The following C5orf22 variants were observed in gnomAD, a reference collection of about 807,000 sequenced individuals.
C5orf22 encodes UPF0489 protein C5orf22.
In C5orf22, 36 loss-of-function variants were observed where a neutral mutation model predicts 48.7. The observed-to-expected ratio is 0.74, with a 90% confidence interval of 0.57 to 0.98. The LOEUF (loss-of-function observed/expected upper bound fraction) is 0.98. Among genes scored for constraint, C5orf22 ranks in the 50% least tolerant of loss-of-function variants. The pLI, the probability that C5orf22 is intolerant of heterozygous loss-of-function variation, is 0.00. For synonymous variants in C5orf22, 141 were observed against 180.8 expected (o/e 0.78, Z 1.76); for missense variants, 486 against 521.9 (o/e 0.93, Z 0.67).
Position 31,532,330 on chromosome 5 carries a change from C to A in C5orf22, c.-63C>A, listed in dbSNP as rs2150068591. 6.4e-7 allele frequency: 1 copy of A among 1,565,360 alleles called. No homozygotes were observed. The highest frequency in any genetic ancestry group is 2.2e-5 in the East Asian group (1 of 44,568). ...GGAGAGAGCTGGCCGGGATGAGGCG[C>A]CGGCTTTCCCGGGTCTTCTCCAGCT... is the stretch of plus-strand genomic sequence containing the variant. On this transcript the variant is annotated 5_prime_UTR_variant, in exon 1 of 9. Coordinates refer to ENST00000325366, the MANE Select transcript of C5orf22 (RefSeq NM_018356.3).
chr5:31,533,938 G>A (rs964899840), intron 1 of C5orf22, among the ~76,000 whole-genome samples: 17 of 152,052 alleles, frequency 1.1e-4, no homozygotes, highest in African/African-American at 4.1e-4. Flanking sequence ...GAGACCTAGG[G>A]TACCTTGAAC....
At position 31,545,708 on chromosome 5, in the gene C5orf22, A is replaced by C. The variant is rs754666090; in HGVS notation, c.1055A>C (p.Glu352Ala). 6.3e-7 allele frequency: 1 copy of C among 1,586,134 alleles called. No individual in the cohort carries two copies. Among genetic ancestry groups the C allele is most frequent in the African/African-American group, 1.3e-5 (1 of 74,316 alleles). ...AAACGGATGGAAGTACCAGACTATGAAATGGTAAATATTTTATATTAATGT... is the reference window on the plus strand; with the variant it reads ...AAACGGATGGAAGTACCAGACTATGCAATGGTAAATATTTTATATTAATGT... ...LKKRMEVPDY[E>A]MVHQAGLTCD... Residue 352 changes from glutamate to alanine, a missense_variant, in exon 7 of 9, where the codon GAA (glutamate) becomes GCA (alanine). Glu to Ala is a moderately radical substitution (Grantham distance 107). Transcript: ENST00000325366.
At chr5:31,536,302 C>A (rs569905249) in intron 3 of C5orf22, among the ~76,000 whole-genome samples, 4 of 152,104 alleles carry the variant, frequency 2.6e-5, no homozygotes, top group Admixed American at 2.6e-4. Context: ...GGGCAGAAGA[C>A]GAGGTCAAGA....
intron 8 of C5orf22, among the ~76,000 whole-genome samples, chr5:31,551,778 G>A (rs557538229): frequency 6.6e-6 from 1 of 152,284 alleles, no homozygotes; most frequent in South Asian, 2.1e-4. Flanking sequence ...ATGCAGCCCT[G>A]TCAGCACCTT....
intron 3 of C5orf22, among the ~76,000 whole-genome samples, chr5:31,536,978 T>C (rs1409581940): frequency 1.3e-5 from 2 of 152,362 alleles, no homozygotes. Context: ...CAATTAACTT[T>C]TGTAGTATAT....
At chr5:31,534,137 T>A in intron 1 of C5orf22, 135 bp from the exon 2 acceptor site, 1 of 774,066 alleles carries the variant, frequency 1.3e-6, no homozygotes, top group East Asian at 2.6e-5. Flanking sequence ...AAACAAATTT[T>A]ATGTTTTTCC....
intron 1 of C5orf22, among the ~76,000 whole-genome samples, chr5:31,533,657 T>G (rs1273509719): frequency 6.6e-6 from 1 of 152,140 alleles, no homozygotes; most frequent in Non-Finnish European, 1.5e-5. Flanking sequence ...ATAGACCACC[T>G]AGCCCAACCC....
intron 7 of C5orf22, among the ~76,000 whole-genome samples, chr5:31,548,315 C>A (rs968651246): frequency 2.6e-5 from 4 of 151,328 alleles, no homozygotes; most frequent in African/African-American, 9.7e-5. Flanking sequence ...AAAAAAAAAA[C>A]TGGATGCCTT....
At chr5:31,532,834 C>G (rs906550494) in intron 1 of C5orf22, among the ~76,000 whole-genome samples, 9 of 152,102 alleles carry the variant, frequency 5.9e-5, no homozygotes, top group African/African-American at 2.2e-4. Context: ...CACCACAGCC[C>G]TGCTGTTTAG....
rs948431825 is a variant in C5orf22, at chr5:31,554,009, T to C, written c.*1107T>C. On this transcript the variant is annotated 3_prime_UTR_variant, in exon 9 of 9. Coordinates refer to ENST00000325366, the MANE Select transcript of C5orf22 (RefSeq NM_018356.3). Reference sequence around the variant, plus strand: ...CTGACCTGCCATAAATACCCAAAGATATAAACTGTCTTCCACCACCCCCCT... The same window carrying C: ...CTGACCTGCCATAAATACCCAAAGACATAAACTGTCTTCCACCACCCCCCT... The C allele has an allele frequency of 1.3e-5, 2 of 152,152 alleles. No individual in the cohort carries two copies. The highest frequency in any genetic ancestry group is 2.9e-5 in the Non-Finnish European group (2 of 68,014). The allele number at this position is 152,152 out of a possible 1,614,324, so 9.4% of individuals were successfully genotyped here. A position where few individuals can be genotyped will look rare whatever the true frequency, so the allele number is the denominator to read the frequency against.
intron 3 of C5orf22, 32 bp downstream of exon 3, chr5:31,535,925 G>T (rs967895612): frequency 2.5e-6 from 4 of 1,595,600 alleles, no homozygotes; most frequent in Non-Finnish European, 2.6e-6. Context: ...ATATGGAAGT[G>T]ATTGAATGTT....
In C5orf22 at chr5:31,553,145, A is replaced by G. The variant is rs12513495; in HGVS notation, c.*243A>G. The G allele has an allele frequency of 3.3e-6, 1 of 302,084 alleles. No individual in the cohort carries two copies. Among genetic ancestry groups the G allele is most frequent in the Admixed American group, 4.7e-5 (1 of 21,402 alleles). The allele number at this position is 302,084 out of a possible 1,614,324, so 18.7% of individuals were successfully genotyped here. ...TATCTGTCTTCCTTAAGTATTTTTT[A>G]GGGTTTTGTTTTTTTTTTTGTTTGT... On this transcript the variant is annotated 3_prime_UTR_variant, in exon 9 of 9. Transcript: ENST00000325366.
intron 3 of C5orf22, 26 bp downstream of exon 3, chr5:31,535,919 G>T (rs1742043519): frequency 6.2e-7 from 1 of 1,601,264 alleles, no homozygotes; most frequent in African/African-American, 1.3e-5. Flanking sequence ...TTGTGAATAT[G>T]GAAGTGATTG....
intron 6 of C5orf22, among the ~76,000 whole-genome samples, chr5:31,542,104 A>T (rs1409647754): frequency 6.6e-6 from 1 of 152,146 alleles, no homozygotes; most frequent in Non-Finnish European, 1.5e-5. Context: ...TAGAGTAAGA[A>T]AGAAATACTA....
chr5:31,544,307 G>T (rs1742680907), intron 6 of C5orf22, among the ~76,000 whole-genome samples: 3 of 152,200 alleles, frequency 2.0e-5, no homozygotes, highest in Non-Finnish European at 1.5e-5. Context: ...AATGTGGCCG[G>T]GCGCGATGGC....
intron 7 of C5orf22, among the ~76,000 whole-genome samples, chr5:31,546,541 C>T (rs1002589701): frequency 6.6e-6 from 1 of 152,148 alleles, no homozygotes; most frequent in Non-Finnish European, 1.5e-5. Context: ...TTTCACACTG[C>T]TGATAAAGAC....
chr5:31,536,948 C>G (rs992340753), intron 3 of C5orf22, among the ~76,000 whole-genome samples: 69 of 152,212 alleles, frequency 4.5e-4, no homozygotes, highest in African/African-American at 1.5e-3. Context: ...TACTTTATTT[C>G]TAATTTATTC....
intron 7 of C5orf22, among the ~76,000 whole-genome samples, chr5:31,546,085 C>T (rs1176826503): frequency 6.6e-6 from 1 of 152,032 alleles, no homozygotes; most frequent in Admixed American, 6.6e-5. Context: ...CTTTTCCTCC[C>T]TATTTAAAAA....
chr5:31,553,989 C>G lies in C5orf22; in HGVS notation c.*1087C>G, dbSNP rs1743447773. On this transcript the variant is annotated 3_prime_UTR_variant, in exon 9 of 9. Coordinates refer to ENST00000325366, the MANE Select transcript of C5orf22 (RefSeq NM_018356.3). Reference sequence around the variant, plus strand: ...AAAAAGTTAAATCTTTAATTCTGACCTGCCATAAATACCCAAAGATATAAA... The same window carrying G: ...AAAAAGTTAAATCTTTAATTCTGACGTGCCATAAATACCCAAAGATATAAA... 1 of 152,050 alleles carries G rather than the reference C, an allele frequency of 6.6e-6. No individual in the cohort carries two copies. The highest frequency in any genetic ancestry group is 2.4e-5 in the African/African-American group (1 of 41,402). 9.4% of individuals were successfully genotyped at this position (152,050 alleles called of 1,614,324 possible). A position where few individuals can be genotyped will look rare whatever the true frequency, so the allele number is the denominator to read the frequency against.
Sources: allele counts gnomAD v4.1 joint callset (sites outside exome capture counted in the v4.1 genomes callset), GRCh38; gene constraint gnomAD v4.1.1; transcripts MANE v1.5; gene names NCBI Gene and HGNC (gene_info 2026-07-23, HGNC 2026-07-21).